The following VPS35L variants were observed in gnomAD, a reference collection of about 807,000 sequenced individuals.
VPS35L encodes the protein VPS35 endosomal protein-sorting factor-like.
A neutral mutation model predicts 133.0 loss-of-function variants in VPS35L; 83 were observed. The ratio of observed to expected loss-of-function variants is 0.62; its 90% CI spans 0.52 to 0.75. VPS35L has a LOEUF of 0.75. Among genes scored for constraint, VPS35L ranks in the 30% least tolerant of loss-of-function variants. The pLI is 0.00. For synonymous variants in VPS35L, 423 were observed against 449.9 expected (o/e 0.94, Z 0.76); for missense variants, 1,083 against 1,206.8 (o/e 0.90, Z 1.52).
chr16:19,673,762 T>G (rs1320114527), intron 27 of VPS35L, among the ~76,000 whole-genome samples: 1 of 152,114 alleles, frequency 6.6e-6, no homozygotes, highest in African/African-American at 2.4e-5. Flanking sequence ...CTGGGAGTCC[T>G]CCACCCAAGC....
At chr16:19,575,159 C>G in intron 5 of VPS35L, 37 bp downstream of exon 5, 1 of 1,584,668 alleles carries the variant, frequency 6.3e-7, no homozygotes, top group Non-Finnish European at 8.6e-7. Flanking sequence ...TGGGAAAATT[C>G]TGGCATTACT....
chr16:19,648,891 A>G (rs1974037424), intron 24 of VPS35L, among the ~76,000 whole-genome samples: 1 of 150,772 alleles, frequency 6.6e-6, no homozygotes, highest in Non-Finnish European at 1.5e-5. Flanking sequence ...AAAAAAAAAA[A>G]AAAAAGTTAG....
chr16:19,690,784 C>G (rs1207995331), intron 28 of VPS35L, among the ~76,000 whole-genome samples: 2 of 152,054 alleles, frequency 1.3e-5, no homozygotes, highest in African/African-American at 2.4e-5. Context: ...AACCCCATCT[C>G]TATTAAAAAT....
At chr16:19,648,894 A>AAAAAAAAAG (rs1567454310) in intron 24 of VPS35L, among the ~76,000 whole-genome samples, 1 of 144,774 alleles carries the variant, frequency 6.9e-6, no homozygotes. Flanking sequence ...AAAAAAAAAA[A>AAAAAAAAAG]AAGTTAGGTT....
chr16:19,562,453 C>T (rs1971057364), intron 1 of VPS35L, among the ~76,000 whole-genome samples: 1 of 152,014 alleles, frequency 6.6e-6, no homozygotes, highest in Non-Finnish European at 1.5e-5. Context: ...TTGTCACTTT[C>T]CATACTAGCT....
At chr16:19,575,338 G>T (rs1382593609) in intron 5 of VPS35L, among the ~76,000 whole-genome samples, 2 of 152,192 alleles carry the variant, frequency 1.3e-5, no homozygotes, top group Non-Finnish European at 2.9e-5. Context: ...GCCAAGGTGG[G>T]TGGATCATCT....
chr16:19,633,547 C>T lies in VPS35L; in HGVS notation c.1635+375C>T, dbSNP rs1483811567. On this transcript the variant is annotated intron_variant, in intron 19 of 30. Coordinates refer to ENST00000417362, the MANE Select transcript of VPS35L (RefSeq NM_020314.7). This position sits in a 1 kb window ranked among gnomAD's most constrained non-coding sequence, Gnocchi z 4.1. Reference sequence around the variant, plus strand: ...TTCCTTTTTTTTTGAAACAGGGTCTCGCTCAGTCACGGAGGCTGGAGTGCA... The same window carrying T: ...TTCCTTTTTTTTTGAAACAGGGTCTTGCTCAGTCACGGAGGCTGGAGTGCA... Among the ~76,000 whole-genome samples the T allele has an allele frequency of 6.6e-5, 10 of 152,200 alleles. No homozygotes were observed. Among genetic ancestry groups the T allele is most frequent in the South Asian group, 4.1e-4 (2 of 4,826 alleles).
rs553790932 is a variant in VPS35L at position 19,601,871 on chromosome 16, A to C, written c.784+148A>C. 35 of 745,744 alleles carry C rather than the reference A, an allele frequency of 4.7e-5. 1 individual carries two copies. In the South Asian group the frequency reaches 6.1e-4, roughly 13 times the overall value. 46.2% of individuals were successfully genotyped at this position (745,744 alleles called of 1,614,324 possible). On this transcript the variant is annotated intron_variant, in intron 9 of 30. Coordinates refer to ENST00000417362, the MANE Select transcript of VPS35L (RefSeq NM_020314.7). ...GAAACACCTTTGAAGATTTCTGATC[A>C]CCTCAGTCTTCTAAAAACATTAGAA...
chr16:19,592,277 G>A (rs1597338105), intron 8 of VPS35L, among the ~76,000 whole-genome samples: 2 of 147,558 alleles, frequency 1.4e-5, no homozygotes, highest in African/African-American at 2.5e-5. Context: ...ACAGAGTCTC[G>A]CAGTGTTGCC....
chr16:19,639,893 C>A lies in VPS35L; in HGVS notation c.1699-122C>A. On this transcript the variant is annotated intron_variant, in intron 20 of 30. Coordinates refer to ENST00000417362, the MANE Select transcript of VPS35L (RefSeq NM_020314.7). The surrounding 1 kb of genome is among the most constrained non-coding windows in gnomAD (Gnocchi z 4.1). ...TGATTTCAGAGGAGTCCTCATCTGA[C>A]CCGACTCAGAGAGATGAACCTCTGT... 1.3e-6 allele frequency: 1 copy of A among 797,382 alleles called. No homozygotes were observed. The highest frequency in any genetic ancestry group is 1.7e-5 in the African/African-American group (1 of 57,498). The allele number at this position is 797,382 out of a possible 1,614,324, so 49.4% of individuals were successfully genotyped here. A position where few individuals can be genotyped will look rare whatever the true frequency, so the allele number is the denominator to read the frequency against.
intron 21 of VPS35L, among the ~76,000 whole-genome samples, chr16:19,641,342 C>T (rs1196349504): frequency 9.9e-5 from 15 of 152,158 alleles, no homozygotes; most frequent in South Asian, 2.1e-4. Context: ...GCTGGGATTA[C>T]AGGCATGAGC....
intron 7 of VPS35L, among the ~76,000 whole-genome samples, chr16:19,583,551 C>T (rs183351365): frequency 1.2e-3 from 175 of 152,102 alleles, no homozygotes; most frequent in African/African-American, 4.1e-3. Context: ...ATCTTCTCCT[C>T]TAGCTATTTA....
chr16:19,565,046 C>T, intron 2 of VPS35L, 96 bp downstream of exon 2: 1 of 886,308 alleles, frequency 1.1e-6, no homozygotes, highest in Middle Eastern at 2.4e-4. Context: ...GTGGTAGCCA[C>T]TTTTGCATAT....
chr16:19,635,757 G>A (rs1248080049), intron 19 of VPS35L, among the ~76,000 whole-genome samples: 1 of 152,204 alleles, frequency 6.6e-6, no homozygotes, highest in East Asian at 1.9e-4. Flanking sequence ...GGAAAAAATA[G>A]TATGTTTTGC....
At chr16:19,679,021 CA>C (rs1381966384) in intron 27 of VPS35L, among the ~76,000 whole-genome samples, 1 of 152,034 alleles carries the variant, frequency 6.6e-6, no homozygotes, top group East Asian at 1.9e-4. Flanking sequence ...GTTGCTGGAA[CA>C]TTCAGATTGT....
intron 5 of VPS35L, chr16:19,578,465 C>G: frequency 2.7e-6 from 1 of 373,156 alleles, no homozygotes; most frequent in Non-Finnish European, 5.2e-6. Flanking sequence ...CAGCTAGATG[C>G]ATCGCCCTGC....
chr16:19,699,528 C>A lies in VPS35L; in HGVS notation c.2673C>A (p.Gly891=), dbSNP rs1330154715. 2 of 1,614,164 alleles carry A rather than the reference C, an allele frequency of 1.2e-6. No individual in the cohort carries two copies. Among genetic ancestry groups the A allele is most frequent in the Non-Finnish European group, 1.7e-6 (2 of 1,180,020 alleles). ...DEALKRQSSL[G]LSFFNSILAH... ...CCCTGAAGCGCCAGAGCTCGTTGGG[C>A]CTTTCCTTCTTTAACAGCATCTTGG... The change falls in exon 30 of 31, where the codon GGC becomes GGA. Residue 891 remains glycine, a synonymous_variant. Transcript: ENST00000417362. The surrounding 1 kb of genome is among the most constrained non-coding windows in gnomAD (Gnocchi z 4.2).
At chr16:19,621,331 G>GCTC (rs1973073999) in intron 14 of VPS35L, among the ~76,000 whole-genome samples, 1 of 152,184 alleles carries the variant, frequency 6.6e-6, no homozygotes, top group Non-Finnish European at 1.5e-5. Flanking sequence ...AAGTTGGGAG[G>GCTC]GGGGGACATT....
chr16:19,621,146 A>G (rs1597368819), intron 14 of VPS35L, among the ~76,000 whole-genome samples: 1 of 152,138 alleles, frequency 6.6e-6, no homozygotes, highest in Admixed American at 6.6e-5. Flanking sequence ...CCATTAAAAA[A>G]GGCCATATTT....
Sources: allele counts gnomAD v4.1 joint callset (sites outside exome capture counted in the v4.1 genomes callset), GRCh38; gene constraint gnomAD v4.1.1; non-coding constraint Gnocchi (gnomAD v3.1); transcripts MANE v1.5; gene names NCBI Gene and HGNC (gene_info 2026-07-23, HGNC 2026-07-21).